DOCK1: variants seen among roughly 807,000 people sequenced by gnomAD.
DOCK1 encodes the protein dedicator of cytokinesis 1, also known as dedicator of cytokinesis protein 1.
A neutral mutation model predicts 262.7 loss-of-function variants in DOCK1; 138 were observed. The ratio of observed to expected loss-of-function variants is 0.53; its 90% confidence interval spans 0.46 to 0.61. DOCK1 has a LOEUF of 0.61. Among genes scored for constraint, DOCK1 ranks in the 20% least tolerant of loss-of-function variants. The pLI is 0.00. For missense variants in DOCK1, 1,908 were observed against 2,370.7 expected (o/e 0.80, Z 4.05); for synonymous variants, 866 against 867.4 (o/e 1.00, Z 0.03).
intron 40 of DOCK1, among the ~76,000 whole-genome samples, chr10:127,406,001 G>A (rs915488667): frequency 2.6e-5 from 4 of 152,318 alleles, no homozygotes; most frequent in African/African-American, 9.6e-5. Flanking sequence ...GCTGAAGGGT[G>A]GAATGAGCTT....
chr10:127,262,797 A>G (rs2060221279), intron 29 of DOCK1, among the ~76,000 whole-genome samples: 1 of 152,164 alleles, frequency 6.6e-6, no homozygotes, highest in Non-Finnish European at 1.5e-5. Flanking sequence ...TCCCAGCACC[A>G]GGCACTGCTG....
Position 126,987,504 on chromosome 10 carries a change from T to C in DOCK1, c.228-17T>C. 1 of 1,566,094 alleles carries C rather than the reference T, an allele frequency of 6.4e-7. No homozygotes were observed. Among genetic ancestry groups the C allele is most frequent in the East Asian group, 2.4e-5 (1 of 42,198 alleles). ...TGAAACCGTGGACTCAGCTGCTCTTTCCTTCTTTCCTCCCAGGCAACATGA... is the reference window on the plus strand; with the variant it reads ...TGAAACCGTGGACTCAGCTGCTCTTCCCTTCTTTCCTCCCAGGCAACATGA... On this transcript the variant is annotated splice_polypyrimidine_tract_variant and intron_variant, in intron 4 of 51. Coordinates refer to ENST00000623213, the MANE Select transcript of DOCK1 (RefSeq NM_001290223.2).
At chr10:127,297,980 CAG>C (rs1368787620) in intron 29 of DOCK1, among the ~76,000 whole-genome samples, 4 of 152,094 alleles carry the variant, frequency 2.6e-5, no homozygotes, top group African/African-American at 4.8e-5. Context: ...GGGAAACAAA[CAG>C]TACCTAATTA....
chr10:127,071,649 G>C (rs567974340), intron 23 of DOCK1, among the ~76,000 whole-genome samples: 2 of 152,180 alleles, frequency 1.3e-5, no homozygotes, highest in East Asian at 3.9e-4. Context: ...AATTGTAATG[G>C]CTGTATGCCA....
At position 127,427,573 on chromosome 10, in the gene DOCK1, A is replaced by G. The variant is rs143628819; in HGVS notation, c.4914+1562A>G. Among the ~76,000 whole-genome samples the G allele has an allele frequency of 2.0e-4, 31 of 152,288 alleles. No homozygotes were observed. In the East Asian group the frequency reaches 6.0e-3, roughly 29 times the overall value. On this transcript the variant is annotated intron_variant, in intron 47 of 51. Transcript: ENST00000623213. Reference sequence around the variant, plus strand: ...AAGGAAACAGGGACATGGGAAGGTAAGTAGGTCACACCCTAGCACGTGGCA... The same window carrying G: ...AAGGAAACAGGGACATGGGAAGGTAGGTAGGTCACACCCTAGCACGTGGCA...
intron 1 of DOCK1, among the ~76,000 whole-genome samples, chr10:126,945,908 T>A (rs1220571403): frequency 2.6e-5 from 4 of 152,156 alleles, no homozygotes; most frequent in Non-Finnish European, 4.4e-5. Context: ...CGCAGTGCTT[T>A]ATTGAGCGTA....
At chr10:127,182,038 C>G (rs1211737663) in intron 27 of DOCK1, among the ~76,000 whole-genome samples, 1 of 152,024 alleles carries the variant, frequency 6.6e-6, no homozygotes, top group African/African-American at 2.4e-5. Flanking sequence ...ATTCAGACAC[C>G]CTTGTGTGAC....
chr10:127,103,807 G>T (rs1198930246), intron 23 of DOCK1, among the ~76,000 whole-genome samples: 2 of 152,156 alleles, frequency 1.3e-5, no homozygotes, highest in Admixed American at 1.3e-4. Flanking sequence ...ATTTGAGGAG[G>T]TGGCCAGGAG....
intron 49 of DOCK1, among the ~76,000 whole-genome samples, chr10:127,440,710 T>C (rs2070055917): frequency 6.6e-6 from 1 of 152,222 alleles, no homozygotes; most frequent in Admixed American, 6.5e-5. Flanking sequence ...GCCCCAGCCA[T>C]GACTTGACGT....
Position 127,444,288 on chromosome 10 carries a change from A to G in DOCK1, c.5413+9A>G. ...CTTCAGCATGCAGTCGAGTAAGTGG[A>G]ACGCTCCCCACATACGAATCGTGCT... On this transcript the variant is annotated intron_variant, in intron 50 of 51. Transcript: ENST00000623213. 6.3e-7 allele frequency: 1 copy of G among 1,595,948 alleles called. No individual in the cohort carries two copies. Among genetic ancestry groups the G allele is most frequent in the Non-Finnish European group, 8.5e-7 (1 of 1,172,262 alleles).
chr10:126,942,904 G>C (rs2035128848), intron 1 of DOCK1, among the ~76,000 whole-genome samples: 1 of 152,078 alleles, frequency 6.6e-6, no homozygotes, highest in South Asian at 2.1e-4. Context: ...TGTGATTTTA[G>C]TTACTATCCT....
rs757424364 is a variant in DOCK1, at chr10:126,987,636, C to A, written c.324+19C>A. 3.4e-5 allele frequency: 52 copies of A among 1,541,272 alleles called. No homozygotes were observed. Among genetic ancestry groups the A allele is most frequent in the Non-Finnish European group, 2.6e-5 (30 of 1,138,896 alleles). On this transcript the variant is annotated intron_variant, in intron 5 of 51. Transcript: ENST00000623213. ...CTACGTGGTGAGAAAATGAGATATT[C>A]ATTCAAAGCTTAGAAATAGAGAGTG...
chr10:127,449,094 C>T (rs975013310), intron 51 of DOCK1, among the ~76,000 whole-genome samples: 1 of 152,168 alleles, frequency 6.6e-6, no homozygotes, highest in African/African-American at 2.4e-5. Context: ...GATGGGGAAC[C>T]GGTCCTGGAG....
chr10:127,264,240 C>T (rs571449237), intron 29 of DOCK1, among the ~76,000 whole-genome samples: 1 of 152,318 alleles, frequency 6.6e-6, no homozygotes, highest in East Asian at 1.9e-4. Context: ...CTACTGTACC[C>T]TCTGCTCTCA....
At chr10:126,946,585 G>A (rs1212903898) in intron 1 of DOCK1, among the ~76,000 whole-genome samples, 2 of 152,104 alleles carry the variant, frequency 1.3e-5, no homozygotes. Flanking sequence ...TGTCCCCTCA[G>A]CCTCCGTTAA....
chr10:127,262,483 G>C (rs1419732688), intron 29 of DOCK1, among the ~76,000 whole-genome samples: 3 of 152,104 alleles, frequency 2.0e-5, no homozygotes, highest in Non-Finnish European at 4.4e-5. Flanking sequence ...ACTGATAACT[G>C]TAACTTTTAT....
intron 27 of DOCK1, among the ~76,000 whole-genome samples, chr10:127,238,057 A>C (rs568352281): frequency 1.3e-5 from 2 of 152,296 alleles, no homozygotes; most frequent in East Asian, 3.9e-4. Flanking sequence ...GGGACACATC[A>C]TTCCTCGCTT....
chr10:127,095,930 G>A (rs1442772055), intron 23 of DOCK1, among the ~76,000 whole-genome samples: 3 of 152,142 alleles, frequency 2.0e-5, no homozygotes, highest in Non-Finnish European at 2.9e-5. Context: ...ATACTTGTGG[G>A]AACAACGTCC....
chr10:127,148,195 G>A (rs1325680687), intron 27 of DOCK1, among the ~76,000 whole-genome samples: 1 of 152,140 alleles, frequency 6.6e-6, no homozygotes. Context: ...ATCCAGTCAG[G>A]TTCCAAGCCC....
Sources: gnomAD v4.1 joint callset for allele counts (sites outside exome capture counted in the v4.1 genomes callset) on GRCh38, gnomAD v4.1.1 for gene constraint, MANE v1.5 for transcripts, NCBI Gene and HGNC (gene_info 2026-07-23, HGNC 2026-07-21) for gene names.